MICAL2: variants seen among roughly 807,000 people sequenced by gnomAD.
MICAL2 encodes the protein [F-actin]-monooxygenase MICAL2.
A neutral mutation model predicts 127.3 loss-of-function variants in MICAL2; 77 were observed. The observed-to-expected ratio is 0.60, with a 90% CI of 0.50 to 0.73. MICAL2 has a LOEUF of 0.73. Among genes scored for constraint, MICAL2 ranks in the 30% least tolerant of loss-of-function variants. MICAL2 has a pLI of 0.00. For synonymous variants in MICAL2, 570 were observed against 551.1 expected (o/e 1.03, Z -0.48); for missense variants, 1,351 against 1,434.4 (o/e 0.94, Z 0.94).
rs1039916428 is a variant in MICAL2 at position 12,110,613 on chromosome 11, G to A, written c.-262G>A. The A allele has an allele frequency of 6.6e-6, 1 of 151,828 alleles. No individual in the cohort carries two copies. The highest frequency in any genetic ancestry group is 2.4e-5 in the African/African-American group (1 of 41,414). The allele number at this position is 151,828 out of a possible 1,614,324, so 9.4% of individuals were successfully genotyped here. A position where few individuals can be genotyped will look rare whatever the true frequency, so the allele number is the denominator to read the frequency against. ...GCGCTCGGCTGGCTAAGCCTGCGCC[G>A]GGCCGCCTCGCTCGCTCCCAGCTCT... On this transcript the variant is annotated 5_prime_UTR_variant, in exon 1 of 28. Transcript: ENST00000683283. The surrounding 1 kb of genome is among the most constrained non-coding windows in gnomAD (Gnocchi z 4.5).
chr11:12,165,138 CAAAA>C (rs1207353830), intron 3 of MICAL2, among the ~76,000 whole-genome samples: 6 of 73,388 alleles, frequency 8.2e-5, no homozygotes, highest in African/African-American at 1.0e-4. Context: ...GACTCCATCT[CAAAA>C]AAAAAAAAAA....
intron 1 of MICAL2, among the ~76,000 whole-genome samples, chr11:12,129,369 T>C (rs1481935242): frequency 6.6e-6 from 1 of 152,244 alleles, no homozygotes; most frequent in African/African-American, 2.4e-5. Flanking sequence ...CCCTGTGCGG[T>C]TACTGGGTAC....
intron 29 of MICAL2, among the ~76,000 whole-genome samples, chr11:12,308,714 AC>A (rs1242909795): frequency 6.6e-6 from 1 of 152,164 alleles, no homozygotes; most frequent in African/African-American, 2.4e-5. Context: ...CAGTTTGTAT[AC>A]CTTTTTTTCC....
Position 12,314,440 on chromosome 11 carries a change from C to A in MICAL2, c.5213-5256C>A, listed in dbSNP as rs183355655. Among the ~76,000 whole-genome samples, 319 of 151,822 alleles carry A rather than the reference C, an allele frequency of 2.1e-3. 2 individuals are homozygous for A. The highest frequency in any genetic ancestry group is 7.6e-3 in the African/African-American group (316 of 41,398). The stretch of plus-strand genomic sequence containing the variant: ...AAAATGAATCTATATTAAATTAATT[C>A]TCTTATCTCCTTCTGGATAACCTAA... On this transcript the variant is annotated intron_variant, in intron 29 of 34. Transcript: ENST00000646065.
At chr11:12,349,735 GC>G (rs1159266535) in intron 32 of MICAL2, 9 of 1,079,468 alleles carry the variant, frequency 8.3e-6, no homozygotes, top group Non-Finnish European at 9.7e-6. Flanking sequence ...TGCCTGCAGA[GC>G]CCTTGTCACT....
At chr11:12,339,920 C>T (rs1938832078) in intron 32 of MICAL2, among the ~76,000 whole-genome samples, 1 of 152,304 alleles carries the variant, frequency 6.6e-6, no homozygotes, top group East Asian at 1.9e-4. Flanking sequence ...GGCAGTCTGC[C>T]CGTTCTCAGT....
intron 8 of MICAL2, among the ~76,000 whole-genome samples, chr11:12,216,958 T>A (rs1287353433): frequency 6.6e-6 from 1 of 152,258 alleles, no homozygotes; most frequent in African/African-American, 2.4e-5. Context: ...AGATTCCCTC[T>A]GTAACTTCTC....
chr11:12,291,766 T>C (rs369578045), downstream of MICAL2, among the ~76,000 whole-genome samples: 5 of 152,188 alleles, frequency 3.3e-5, no homozygotes, highest in East Asian at 5.8e-4. Context: ...GCTCAGGTGG[T>C]TTATTGACTG....
downstream of MICAL2, among the ~76,000 whole-genome samples, chr11:12,295,594 A>G (rs1863977352): frequency 6.6e-6 from 1 of 151,828 alleles, no homozygotes. Context: ...ATGGAGTCTC[A>G]ATATGTTGCC....
intron 32 of MICAL2, among the ~76,000 whole-genome samples, chr11:12,346,299 A>G (rs1938952678): frequency 6.6e-6 from 1 of 152,128 alleles, no homozygotes; most frequent in East Asian, 1.9e-4. Flanking sequence ...CCATTTATTG[A>G]GCTTATACTG....
chr11:12,208,924 G>A (rs1157791717), intron 5 of MICAL2, among the ~76,000 whole-genome samples: 1 of 152,216 alleles, frequency 6.6e-6, no homozygotes, highest in East Asian at 1.9e-4. Flanking sequence ...TTTGGAGCAG[G>A]ACAGCATTCA....
intron 3 of MICAL2, among the ~76,000 whole-genome samples, chr11:12,188,512 C>T (rs1474694278): frequency 6.6e-6 from 1 of 152,154 alleles, no homozygotes; most frequent in African/African-American, 2.4e-5. Context: ...TCCTACAATG[C>T]ACAGGATAAC....
At chr11:12,184,205 C>A (rs1427692138) in intron 3 of MICAL2, among the ~76,000 whole-genome samples, 7 of 152,198 alleles carry the variant, frequency 4.6e-5, no homozygotes, top group African/African-American at 1.7e-4. Context: ...ATGTGTAAAG[C>A]ACTTAGAACA....
At chr11:12,185,797 C>G (rs1168393600) in intron 3 of MICAL2, among the ~76,000 whole-genome samples, 1 of 152,220 alleles carries the variant, frequency 6.6e-6, no homozygotes, top group African/African-American at 2.4e-5. Context: ...TCTCTGGAGG[C>G]CTGGAGGAAG....
intron 1 of MICAL2, among the ~76,000 whole-genome samples, chr11:12,114,166 CCTCT>C (rs984774278): frequency 2.0e-5 from 3 of 152,184 alleles, no homozygotes; most frequent in Admixed American, 6.5e-5. Flanking sequence ...TGGTTGGCTT[CCTCT>C]CTCTCTTTTT....
intron 1 of MICAL2, among the ~76,000 whole-genome samples, chr11:12,115,032 C>T (rs1328107389): frequency 2.0e-5 from 3 of 152,172 alleles, no homozygotes; most frequent in Non-Finnish European, 2.9e-5. Context: ...TTTTCTTCTT[C>T]CTTCTGTCTC....
At chr11:12,294,966 A>G (rs780795116), downstream of MICAL2, 1 of 1,342,242 alleles carries the variant, frequency 7.5e-7, no homozygotes. Flanking sequence ...CTCAAATACT[A>G]ACAAAAGTAG....
intron 15 of MICAL2, among the ~76,000 whole-genome samples, chr11:12,231,608 C>T (rs1485839011): frequency 6.6e-6 from 1 of 152,212 alleles, no homozygotes; most frequent in Non-Finnish European, 1.5e-5. Flanking sequence ...GTGAACGAAA[C>T]AAGCGAGGAC....
intron 1 of MICAL2, among the ~76,000 whole-genome samples, chr11:12,114,155 C>T (rs1411291991): frequency 1.3e-5 from 2 of 152,182 alleles, no homozygotes; most frequent in African/African-American, 2.4e-5. Flanking sequence ...GAGATTATGC[C>T]TGGTTGGCTT....
Sources: allele counts gnomAD v4.1 joint callset (sites outside exome capture counted in the v4.1 genomes callset), GRCh38; gene constraint gnomAD v4.1.1; non-coding constraint Gnocchi (gnomAD v3.1); transcripts MANE v1.5; gene names NCBI Gene and HGNC (gene_info 2026-07-23, HGNC 2026-07-21).